The following MMS22L variants were observed in gnomAD, a reference collection of about 807,000 sequenced individuals.
MMS22L encodes MMS22 like, DNA repair protein.
Under a neutral mutation model 159.1 loss-of-function variants are expected in MMS22L, and 74 were observed. The observed-to-expected ratio is 0.47, with a 90% CI of 0.39 to 0.56. The LOEUF is 0.56. MMS22L is among the 20% of genes least tolerant of loss of function. The pLI is 0.00. For missense variants in MMS22L, 1,351 were observed against 1,422.1 expected (o/e 0.95, Z 0.80); for synonymous variants, 517 against 506.9 (o/e 1.02, Z -0.27).
chr6:97,257,702 C>G (rs1339794137), intron 9 of MMS22L, among the ~76,000 whole-genome samples: 2 of 152,126 alleles, frequency 1.3e-5, no homozygotes, highest in Non-Finnish European at 2.9e-5. Flanking sequence ...GCTGGGGTTA[C>G]AGGCATGAGC....
intron 14 of MMS22L, among the ~76,000 whole-genome samples, chr6:97,227,703 TATG>T (rs1810408143): frequency 1.3e-5 from 2 of 152,236 alleles, no homozygotes; most frequent in Non-Finnish European, 2.9e-5. Flanking sequence ...ACATTTGTAA[TATG>T]ATATTAGGAG....
At chr6:97,168,031 A>C in intron 20 of MMS22L, 40 bp downstream of exon 20, 1 of 1,390,080 alleles carries the variant, frequency 7.2e-7, no homozygotes, top group Non-Finnish European at 9.7e-7. Context: ...AAGTTTCAAT[A>C]TTTTTTTTTT....
intron 14 of MMS22L, among the ~76,000 whole-genome samples, chr6:97,198,434 C>A (rs1806781005): frequency 6.6e-6 from 1 of 152,138 alleles, no homozygotes; most frequent in South Asian, 2.1e-4. Flanking sequence ...CTTGGCTTTT[C>A]AAAGTCCTGA....
At chr6:97,156,015 T>C (rs1226004853) in intron 22 of MMS22L, among the ~76,000 whole-genome samples, 1 of 152,212 alleles carries the variant, frequency 6.6e-6, no homozygotes, top group Non-Finnish European at 1.5e-5. Flanking sequence ...TTTTTAATGA[T>C]CACCATTCTA....
chr6:97,238,591 G>GTGTGTGTGTGTGTGTGTT (rs1554272932), intron 11 of MMS22L, among the ~76,000 whole-genome samples: 17 of 149,484 alleles, frequency 1.1e-4, no homozygotes, highest in African/African-American at 4.2e-4. Context: ...GTGTGTGTGT[G>GTGTGTGTGTGTGTGTGTT]TGTGTGTGTG....
intron 18 of MMS22L, among the ~76,000 whole-genome samples, chr6:97,177,641 A>G (rs1804259625): frequency 1.3e-5 from 2 of 152,168 alleles, no homozygotes; most frequent in African/African-American, 4.8e-5. Flanking sequence ...TCCAAATGGA[A>G]TGTGTATTTT....
chr6:97,271,780 C>T (rs1377887182), intron 6 of MMS22L: 1 of 152,152 alleles, frequency 6.6e-6, no homozygotes, highest in Non-Finnish European at 1.5e-5. Context: ...CAAGGGATCC[C>T]CCCACCTCGA....
Position 97,231,565 on chromosome 6 carries a change from T to C in MMS22L, c.1390A>G (p.Thr464Ala). ...SPLSMLEMVK[T>A]CCCDKQDQEL... ...TGATCTTGTTTATCGCAACAGCAAG[T>C]CTTCACCATTTCAAGCATAGACAAG... is the stretch of plus-strand genomic sequence containing the variant. Residue 464 changes from threonine to alanine, a missense_variant, in exon 13 of 25, where the codon ACT becomes GCT. By Grantham distance (58) the Thr-to-Ala change is moderately conservative (BLOSUM62 0). Coordinates refer to ENST00000683635, the MANE Select transcript of MMS22L (RefSeq NM_001350599.2). 3 of 1,613,840 alleles carry C rather than the reference T, an allele frequency of 1.9e-6. No individual in the cohort carries two copies. The highest frequency in any genetic ancestry group is 4.5e-5 in the East Asian group (2 of 44,830).
intron 14 of MMS22L, among the ~76,000 whole-genome samples, chr6:97,218,091 T>C (rs1423902665): frequency 6.6e-6 from 1 of 152,122 alleles, no homozygotes; most frequent in African/African-American, 2.4e-5. Flanking sequence ...AATTCAATGA[T>C]AACTAGTGAA....
At chr6:97,250,126 G>A (rs1002786641) in intron 10 of MMS22L, among the ~76,000 whole-genome samples, 1 of 152,034 alleles carries the variant, frequency 6.6e-6, no homozygotes, top group African/African-American at 2.4e-5. Context: ...ATTTCACTTT[G>A]GGCAGCTACA....
chr6:97,279,535 A>G (rs961741327), intron 3 of MMS22L, among the ~76,000 whole-genome samples: 1 of 151,834 alleles, frequency 6.6e-6, no homozygotes, highest in Non-Finnish European at 1.5e-5. Context: ...CTGTAATCCT[A>G]GCACTTTGGG....
At chr6:97,228,301 T>C (rs982711146) in intron 14 of MMS22L, among the ~76,000 whole-genome samples, 2 of 152,212 alleles carry the variant, frequency 1.3e-5, no homozygotes, top group Non-Finnish European at 2.9e-5. Flanking sequence ...CTCTTGACTT[T>C]AGTTCTGCAT....
chr6:97,171,259 G>A (rs1017040900), intron 19 of MMS22L, among the ~76,000 whole-genome samples: 1 of 151,956 alleles, frequency 6.6e-6, no homozygotes, highest in East Asian at 1.9e-4. Context: ...AATTTGGTGG[G>A]GGCATGTCAA....
chr6:97,281,136 C>G (rs1816721190), intron 3 of MMS22L, 101 bp downstream of exon 3: 1 of 1,144,400 alleles, frequency 8.7e-7, no homozygotes. Flanking sequence ...CAGCACAATT[C>G]CTCTGGTCTT....
intron 3 of MMS22L, 37 bp from the exon 4 acceptor site, chr6:97,278,935 A>G: frequency 1.3e-6 from 2 of 1,570,698 alleles, no homozygotes; most frequent in Non-Finnish European, 1.7e-6. Flanking sequence ...TTAATTTTAG[A>G]ACACTTTAAA....
At chr6:97,205,599 A>G (rs1207711556) in intron 14 of MMS22L, among the ~76,000 whole-genome samples, 8 of 152,200 alleles carry the variant, frequency 5.3e-5, no homozygotes, top group Admixed American at 4.6e-4. Context: ...GTTTCCTAAC[A>G]TTTAACCCAA....
chr6:97,143,717 A>G lies in MMS22L; in HGVS notation c.*3089T>C, dbSNP rs901629638. ...CTGACATTTCAAGGCTAAATAACTTAGGACAATAGTGTATTCCCTGGGTAG... is the reference window on the plus strand; with the variant it reads ...CTGACATTTCAAGGCTAAATAACTTGGGACAATAGTGTATTCCCTGGGTAG... On this transcript the variant is annotated 3_prime_UTR_variant, in exon 25 of 25. Coordinates refer to ENST00000683635, the MANE Select transcript of MMS22L (RefSeq NM_001350599.2). The G allele has an allele frequency of 2.0e-5, 3 of 152,176 alleles. No homozygotes were observed. The highest frequency in any genetic ancestry group is 4.4e-5 in the Non-Finnish European group (3 of 68,050). 9.4% of individuals were successfully genotyped at this position (152,176 alleles called of 1,614,324 possible). A position where few individuals can be genotyped will look rare whatever the true frequency, so the allele number is the denominator to read the frequency against.
intron 20 of MMS22L, among the ~76,000 whole-genome samples, chr6:97,166,721 C>T (rs769211255): frequency 3.3e-5 from 5 of 152,192 alleles, no homozygotes; most frequent in Non-Finnish European, 4.4e-5. Context: ...TTACCACTTA[C>T]GAAGCTTAAG....
At chr6:97,264,268 A>C (rs1376571742) in intron 8 of MMS22L, 2 of 152,146 alleles carry the variant, frequency 1.3e-5, no homozygotes, top group Non-Finnish European at 2.9e-5. Flanking sequence ...TTAGAAAATA[A>C]ATTTTGATTC....
Sources: allele counts gnomAD v4.1 joint callset (sites outside exome capture counted in the v4.1 genomes callset), GRCh38; gene constraint gnomAD v4.1.1; transcripts MANE v1.5; gene names NCBI Gene and HGNC (gene_info 2026-07-23, HGNC 2026-07-21).